The following CDH1 variants were observed in gnomAD, a reference collection of about 807,000 sequenced individuals.
The protein encoded by CDH1 is cadherin 1.
A neutral mutation model predicts 84.5 loss-of-function variants in CDH1; 35 were observed. The observed-to-expected ratio is 0.41, with a 90% CI of 0.32 to 0.55. The LOEUF is 0.55. Among genes scored for constraint, CDH1 ranks in the 20% least tolerant of loss-of-function variants. CDH1 has a pLI of 0.19. For missense variants in CDH1, 994 were observed against 1,126.6 expected, an observed-to-expected ratio of 0.88 and a Z score of 1.68; for synonymous variants, 417 against 439.0, an observed-to-expected ratio of 0.95 and a Z score of 0.63.
chr16:68,782,089 G>T (rs1028723007), intron 2 of CDH1, among the ~76,000 whole-genome samples: 1 of 152,208 alleles, frequency 6.6e-6, no homozygotes, highest in African/African-American at 2.4e-5. Flanking sequence ...TTGATCAAGA[G>T]GGGTGGAAAA....
chr16:68,821,504 A>G (rs540933686), intron 11 of CDH1, among the ~76,000 whole-genome samples: 2 of 151,226 alleles, frequency 1.3e-5, no homozygotes, highest in African/African-American at 2.4e-5. Context: ...GAACTCCCCA[A>G]TCTATTTTGA....
intron 14 of CDH1, 111 bp from the exon 15 acceptor site, chr16:68,829,543 A>T: frequency 9.6e-7 from 1 of 1,041,242 alleles, no homozygotes; most frequent in South Asian, 1.3e-5. Context: ...AAGATCATAC[A>T]GTTGGCAGTG....
chr16:68,745,975 G>C (rs1388533234), intron 2 of CDH1, among the ~76,000 whole-genome samples: 2 of 152,008 alleles, frequency 1.3e-5, no homozygotes, highest in African/African-American at 4.8e-5. Flanking sequence ...GCACCACTAC[G>C]CCTGGCAATT....
intron 2 of CDH1, among the ~76,000 whole-genome samples, chr16:68,774,422 A>G (rs1414411353): frequency 6.6e-6 from 1 of 152,120 alleles, no homozygotes; most frequent in Non-Finnish European, 1.5e-5. Context: ...CAGGAGGCCA[A>G]GATAGGATAA....
At chr16:68,794,758 C>T (rs1014538486) in intron 2 of CDH1, among the ~76,000 whole-genome samples, 3 of 147,992 alleles carry the variant, frequency 2.0e-5, no homozygotes, top group African/African-American at 7.5e-5. Flanking sequence ...ACGATCTTGG[C>T]TCACTGCAAG....
chr16:68,812,311 G>C (rs2152132790), intron 8 of CDH1, 48 bp downstream of exon 8: 1 of 1,600,524 alleles, frequency 6.2e-7, no homozygotes, highest in Non-Finnish European at 8.6e-7. Flanking sequence ...GTCTTTTGTT[G>C]TTCATGAACT....
At chr16:68,798,499 G>A (rs1186629540) in intron 2 of CDH1, among the ~76,000 whole-genome samples, 1 of 152,146 alleles carries the variant, frequency 6.6e-6, no homozygotes, top group African/African-American at 2.4e-5. Context: ...CTGGAATTCA[G>A]GTTGGGGCTC....
chr16:68,825,245 G>C (rs1961289086), intron 13 of CDH1, among the ~76,000 whole-genome samples: 1 of 152,296 alleles, frequency 6.6e-6, no homozygotes, highest in East Asian at 1.9e-4. Context: ...GGACAGTTTT[G>C]TGGAAGATGT....
intron 2 of CDH1, among the ~76,000 whole-genome samples, chr16:68,764,890 C>T (rs762983013): frequency 8.5e-5 from 13 of 152,278 alleles, no homozygotes; most frequent in Non-Finnish European, 1.8e-4. Context: ...AGTGCGGTGA[C>T]GGTAGACTGG....
rs149342671 is a variant in CDH1 at position 68,804,206 on chromosome 16, C to T, written c.387+2313C>T. 5.3e-3 allele frequency among the ~76,000 whole-genome samples: 788 copies of T among 149,806 alleles called. 5 individuals carry two copies. Among genetic ancestry groups the T allele is most frequent in the African/African-American group, 0.019 (760 of 40,668 alleles). ...TCAGCTCACTGCAAGCTCCACCTCC[C>T]GGATTCATGCCATTCTCCTGCCTCA... On this transcript the variant is annotated intron_variant, in intron 3 of 15. Coordinates refer to ENST00000261769, the MANE Select transcript of CDH1 (RefSeq NM_004360.5).
Position 68,788,246 on chromosome 16 carries a change from C to A in CDH1, c.164-13424C>A, listed in dbSNP as rs534752110. On this transcript the variant is annotated intron_variant, in intron 2 of 15. Transcript: ENST00000261769. Reference sequence around the variant, plus strand: ...ATAGGACTTTGACTGATGGGGTATTCCTCAAGAGACCCTAATAGCTATATA... The same window carrying A: ...ATAGGACTTTGACTGATGGGGTATTACTCAAGAGACCCTAATAGCTATATA... Among the ~76,000 whole-genome samples the A allele has an allele frequency of 2.6e-5, 4 of 152,152 alleles. No homozygotes were observed. In the South Asian group the frequency reaches 8.3e-4, roughly 31 times the overall value.
At chr16:68,755,282 C>CAAAAAAAAAAAAAAAAA (rs1188775959) in intron 2 of CDH1, among the ~76,000 whole-genome samples, 8 of 96,054 alleles carry the variant, frequency 8.3e-5, no homozygotes, top group African/African-American at 3.0e-4. Context: ...GACTCTGTCT[C>CAAAAAAAAAAAAAAAAA]AAAAAAAAAA....
intron 12 of CDH1, 196 bp from the exon 13 acceptor site, chr16:68,823,203 G>A: frequency 1.8e-6 from 1 of 570,364 alleles, no homozygotes; most frequent in East Asian, 3.0e-5. Context: ...CCTCTCCCAA[G>A]CCTTAGACCA....
At chr16:68,751,663 T>G (rs1184710679) in intron 2 of CDH1, among the ~76,000 whole-genome samples, 1 of 151,800 alleles carries the variant, frequency 6.6e-6, no homozygotes, top group African/African-American at 2.4e-5. Context: ...CCACCACGCC[T>G]GGCTAATTTT....
rs1555509758 is a variant in CDH1, at chr16:68,738,313, G to A, written c.65G>A (p.Cys22Tyr). 1 of 1,551,032 alleles carries A rather than the reference G, an allele frequency of 6.4e-7. No homozygotes were observed. Among genetic ancestry groups the A allele is most frequent in the Non-Finnish European group, 8.7e-7 (1 of 1,146,436 alleles). ...LLLLQVSSWL[C>Y]QEPEPCHPGF... is the part of the protein sequence containing the mutation. Reference sequence around the variant, plus strand: ...CCACCCCAGGTCTCCTCTTGGCTCTGCCAGGAGCCGGAGCCCTGCCACCCT... The same window carrying A: ...CCACCCCAGGTCTCCTCTTGGCTCTACCAGGAGCCGGAGCCCTGCCACCCT... Residue 22 changes from cysteine (C) to tyrosine (Y), a missense_variant, in exon 2 of 16, where the codon TGC (cysteine) becomes TAC (tyrosine). Physicochemically the swap from Cys to Tyr is radical, Grantham distance 194 (BLOSUM62 -2). Transcript: ENST00000261769.
At position 68,833,311 on chromosome 16, in the gene CDH1, G is replaced by A. The variant is rs2152143863; in HGVS notation, c.2461G>A (p.Asp821Asn). ...TTAGAATCTGAAAGCGGCTGATACT[G>A]ACCCCACAGCCCCGCCTTATGATTC... Reference protein sequence around the residue: ...IDENLKAADTDPTAPPYDSLL... With the variant: ...IDENLKAADTNPTAPPYDSLL... Residue 821 changes from aspartate to asparagine, a missense_variant, in exon 16 of 16, where the codon GAC becomes AAC. Asp to Asn is a conservative substitution (Grantham distance 23). Around this residue, in one of 3 missense-constraint regions of CDH1, gnomAD observed 769 missense variants for 881.8 expected, o/e 0.87. Coordinates refer to ENST00000261769, the MANE Select transcript of CDH1 (RefSeq NM_004360.5). 1 of 1,614,126 alleles carries A rather than the reference G, an allele frequency of 6.2e-7. No individual in the cohort carries two copies. Among genetic ancestry groups the A allele is most frequent in the Non-Finnish European group, 8.5e-7 (1 of 1,180,018 alleles).
intron 3 of CDH1, among the ~76,000 whole-genome samples, chr16:68,804,921 C>T (rs959511106): frequency 6.9e-6 from 1 of 145,744 alleles, no homozygotes; most frequent in African/African-American, 2.6e-5. Flanking sequence ...GCCTTGACCT[C>T]CCAGGCTCAA....
At chr16:68,763,042 C>T (rs905842681) in intron 2 of CDH1, among the ~76,000 whole-genome samples, 1 of 151,368 alleles carries the variant, frequency 6.6e-6, no homozygotes, top group African/African-American at 2.4e-5. Flanking sequence ...CACAGCAAGG[C>T]TATTTGCTTC....
At position 68,822,102 on chromosome 16, in the gene CDH1, A is replaced by G. The variant is rs2152138356; in HGVS notation, c.1813A>G (p.Arg605Gly). The G allele has an allele frequency of 6.2e-7, 1 of 1,614,166 alleles. No homozygotes were observed. The highest frequency in any genetic ancestry group is 8.5e-7 in the Non-Finnish European group (1 of 1,180,002). The change falls in exon 12 of 16, where the codon AGG becomes GGG. Residue 605 changes from arginine to glycine, a missense_variant. Arg to Gly is a moderately radical substitution (Grantham distance 125). Around this residue, in one of 3 missense-constraint regions of CDH1, gnomAD observed 769 missense variants for 881.8 expected, o/e 0.87. Transcript: ENST00000261769. ...ACCTCGAACTATATTCTTCTGTGAG[A>G]GGAATCCAAAGCCTCAGGTCATAAA... ...PEPRTIFFCE[R>G]NPKPQVINII...
Sources: allele counts gnomAD v4.1 joint callset (sites outside exome capture counted in the v4.1 genomes callset), GRCh38; gene constraint gnomAD v4.1.1; regional missense constraint gnomAD v4.1.1; transcripts MANE v1.5; gene names NCBI Gene and HGNC (gene_info 2026-07-23, HGNC 2026-07-21).